RDH8: variants seen among roughly 807,000 people sequenced by gnomAD.
RDH8 encodes retinol dehydrogenase 8, also known as photoreceptor outer segment all-trans retinol dehydrogenase.
In RDH8, 14 loss-of-function variants were observed where a neutral mutation model predicts 22.3. That is an observed-to-expected ratio of 0.63 (90% CI 0.42 to 0.98). The LOEUF (loss-of-function observed/expected upper bound fraction) is 0.98, where lower values mean the gene tolerates loss of function less well. RDH8 is among the 50% of genes least tolerant of loss of function. RDH8 has a pLI of 0.00. For synonymous variants in RDH8, 175 were observed against 171.7 expected (o/e 1.02, Z -0.15); for missense variants, 389 against 409.8 (o/e 0.95, Z 0.44).
chr19:10,019,036 C>A, intron 3 of RDH8, 126 bp downstream of exon 3: 1 of 772,734 alleles, frequency 1.3e-6, no homozygotes, highest in African/African-American at 1.8e-5. Context: ...GTGATTCATG[C>A]CTGTAATCTT....
At chr19:10,015,057 G>C (rs376628555) in intron 1 of RDH8, among the ~76,000 whole-genome samples, 1 of 152,220 alleles carries the variant, frequency 6.6e-6, no homozygotes, top group Non-Finnish European at 1.5e-5. Context: ...ATGCCCCCAG[G>C]AGTGTTCATG....
At chr19:10,016,612 C>T (rs928727085) in intron 1 of RDH8, among the ~76,000 whole-genome samples, 1 of 152,056 alleles carries the variant, frequency 6.6e-6, no homozygotes, top group Non-Finnish European at 1.5e-5. Context: ...AGGTGGGGGC[C>T]ACCCACCACA....
Position 10,021,872 on chromosome 19 carries a change from G to A in RDH8, c.*123G>A. 2.0e-6 allele frequency: 2 copies of A among 1,017,830 alleles called. No homozygotes were observed. The highest frequency in any genetic ancestry group is 2.4e-5 in the Admixed American group (1 of 42,330). 63.0% of individuals were successfully genotyped at this position (1,017,830 alleles called of 1,614,324 possible). On this transcript the variant is annotated 3_prime_UTR_variant, in exon 6 of 6. Coordinates refer to ENST00000591589, the MANE Select transcript of RDH8 (RefSeq NM_015725.4). Reference sequence around the variant, plus strand: ...GCAAACTCCCCCTCCCCTCCTCTGTGCCTAGACATGGCTAGAATCCCAGAA... The same window carrying A: ...GCAAACTCCCCCTCCCCTCCTCTGTACCTAGACATGGCTAGAATCCCAGAA...
Position 10,021,880 on chromosome 19 carries a change from A to T in RDH8, c.*131A>T. The T allele has an allele frequency of 5.2e-6, 5 of 954,226 alleles. No homozygotes were observed. The highest frequency in any genetic ancestry group is 7.7e-6 in the Non-Finnish European group (5 of 649,024). 59.1% of individuals were successfully genotyped at this position (954,226 alleles called of 1,614,324 possible). A position where few individuals can be genotyped will look rare whatever the true frequency, so the allele number is the denominator to read the frequency against. The stretch of plus-strand genomic sequence containing the variant: ...CCCCTCCCCTCCTCTGTGCCTAGAC[A>T]TGGCTAGAATCCCAGAAGGGCCTTT... On this transcript the variant is annotated 3_prime_UTR_variant, in exon 6 of 6. Transcript: ENST00000591589.
chr19:10,021,376 T>C lies in RDH8; in HGVS notation c.658T>C (p.Tyr220His). Residue 220 changes from tyrosine to histidine, a missense_variant, in exon 5 of 6, where the codon TAT becomes CAT. Coordinates refer to ENST00000591589, the MANE Select transcript of RDH8 (RefSeq NM_015725.4). ...GACCCTGCACTACTTCCGGGACCTC[T>C]ATCTCCCAGCCTCCAGGAAGCTGTT... ...PETLHYFRDL[Y>H]LPASRKLFCS... 1.2e-6 allele frequency: 2 copies of C among 1,614,054 alleles called. No homozygotes were observed. The highest frequency in any genetic ancestry group is 1.7e-6 in the Non-Finnish European group (2 of 1,180,020).
Position 10,017,398 on chromosome 19 carries a change from G to T in RDH8, c.262+183G>T, listed in dbSNP as rs115745982. ...GGTCCTACCAATTGATTTATTAAGGGCTGGGTGCAGTGGCTCATACCTGTA... is the reference window on the plus strand; with the variant it reads ...GGTCCTACCAATTGATTTATTAAGGTCTGGGTGCAGTGGCTCATACCTGTA... On this transcript the variant is annotated intron_variant, in intron 2 of 5. Transcript: ENST00000591589. 9.5e-3 allele frequency among the ~76,000 whole-genome samples: 1,451 copies of T among 152,298 alleles called. 19 individuals are homozygous for T. The highest frequency in any genetic ancestry group is 0.033 in the African/African-American group (1,381 of 41,546).
Position 10,017,079 on chromosome 19 carries a change from G to T in RDH8, c.126G>T (p.Leu42=). 1 of 1,591,264 alleles carries T rather than the reference G, an allele frequency of 6.3e-7. No homozygotes were observed. The highest frequency in any genetic ancestry group is 8.6e-7 in the Non-Finnish European group (1 of 1,165,860). ...CAGTCGTGGCCACCATGAGGGACCT[G>T]GGGAAGAAGGAGACACTGGAGGCAG... ...RYQVVATMRD[L]GKKETLEAAA... is the part of the protein sequence containing the mutation. Residue 42 remains leucine, a synonymous_variant, in exon 2 of 6, where the codon CTG becomes CTT. Coordinates refer to ENST00000591589, the MANE Select transcript of RDH8 (RefSeq NM_015725.4).
chr19:10,016,124 C>T (rs1448437452), intron 1 of RDH8, among the ~76,000 whole-genome samples: 6 of 142,352 alleles, frequency 4.2e-5, no homozygotes, highest in Non-Finnish European at 9.1e-5. Flanking sequence ...GAAACTTTAT[C>T]TTATTTATTT....
intron 1 of RDH8, among the ~76,000 whole-genome samples, chr19:10,014,322 A>G (rs2087592226): frequency 6.6e-6 from 1 of 152,174 alleles, no homozygotes; most frequent in Non-Finnish European, 1.5e-5. Context: ...AGAGACGCAC[A>G]CAGCTTTGAG....
intron 3 of RDH8, 77 bp from the exon 4 acceptor site, chr19:10,020,630 CAA>C: frequency 1.2e-6 from 1 of 856,710 alleles, no homozygotes; most frequent in Non-Finnish European, 1.9e-6. Context: ...CTCTGTCTCC[CAA>C]AGACCCCATC....
Position 10,021,223 on chromosome 19 carries a change from T to C in RDH8, c.537-32T>C, listed in dbSNP as rs372956789. On this transcript the variant is annotated intron_variant, in intron 4 of 5. Transcript: ENST00000591589. ...AATAGGTCAGGGAGTGGTTGGGGCA[T>C]CAGACTTACACTACCCATGCCTGGT... 1.1e-4 allele frequency: 179 copies of C among 1,600,096 alleles called. 1 individual carries two copies. Among genetic ancestry groups the C allele is most frequent in the South Asian group, 6.7e-4 (60 of 89,204 alleles).
chr19:10,019,114 T>A (rs936337857), intron 3 of RDH8, among the ~76,000 whole-genome samples: 1 of 148,302 alleles, frequency 6.7e-6, no homozygotes, highest in Non-Finnish European at 1.5e-5. Flanking sequence ...CTGGGCAACA[T>A]GGTGAAAGCC....
rs371269849 is a variant in RDH8, at chr19:10,016,493, C to T, written c.104-564C>T. 2.7e-4 allele frequency among the ~76,000 whole-genome samples: 40 copies of T among 148,816 alleles called. No individual in the cohort carries two copies. The East Asian group carries it at 5.5e-3, about 20-fold the overall frequency. ...TTTTATTTTTTGAGACAGGGTCTCA[C>T]TCTCTCACCCAGACGGTAGTGCAGT... On this transcript the variant is annotated intron_variant, in intron 1 of 5. Transcript: ENST00000591589.
intron 2 of RDH8, among the ~76,000 whole-genome samples, chr19:10,017,953 A>G (rs935960780): frequency 2.0e-5 from 3 of 150,974 alleles, no homozygotes; most frequent in Non-Finnish European, 4.4e-5. Context: ...GCCAAAAATC[A>G]ATTTTTTTTG....
At chr19:10,017,519 C>T (rs2087628268) in intron 2 of RDH8, among the ~76,000 whole-genome samples, 1 of 152,164 alleles carries the variant, frequency 6.6e-6, no homozygotes, top group African/African-American at 2.4e-5. Flanking sequence ...ATTAGCCAGT[C>T]ATAGTGGTGC....
rs1322371406 is a variant in RDH8, at chr19:10,013,600, G to A, written c.103G>A (p.Val35Ile). The change falls in exon 1 of 6, where the codon GTC (valine) becomes ATC (isoleucine). Residue 35 changes from valine to isoleucine, a missense_variant and splice_region_variant. By Grantham distance (29) the Val-to-Ile change is conservative. Transcript: ENST00000591589. ...CCATGACCCCAAGAAGCGCTACCAG[G>A]GTAAGAAGTGCAGGGTGGCACTAGG... is the stretch of plus-strand genomic sequence containing the variant. ...LAHDPKKRYQVVATMRDLGKK... is the reference protein window; with the variant it reads ...LAHDPKKRYQIVATMRDLGKK... 1.2e-6 allele frequency: 2 copies of A among 1,613,816 alleles called. No individual in the cohort carries two copies. The highest frequency in any genetic ancestry group is 1.3e-5 in the African/African-American group (1 of 74,890).
intron 1 of RDH8, among the ~76,000 whole-genome samples, chr19:10,016,739 T>C (rs964625447): frequency 6.6e-6 from 1 of 152,164 alleles, no homozygotes; most frequent in Non-Finnish European, 1.5e-5. Flanking sequence ...CCCAACGTGC[T>C]GGGATTACAG....
intron 2 of RDH8, 98 bp from the exon 3 acceptor site, chr19:10,018,633 G>A (rs896424009): frequency 6.8e-5 from 65 of 949,170 alleles, no homozygotes; most frequent in Non-Finnish European, 9.8e-5. Flanking sequence ...GACTGGCCTT[G>A]GACTTGGAGT....
In RDH8 at chr19:10,021,581, G is replaced by C. The variant is rs2087660310; in HGVS notation, c.768G>C (p.Gln256His). 1 of 1,614,146 alleles carries C rather than the reference G, an allele frequency of 6.2e-7. No individual in the cohort carries two copies. The highest frequency in any genetic ancestry group is 8.5e-7 in the Non-Finnish European group (1 of 1,180,010). ...ISSTRPPLRR[Q>H]TNIRYSPLTT... ...CGACTCGACCACCCCTGCGCCGACA[G>C]ACCAACATCCGCTACTCGCCGCTGA... Residue 256 changes from glutamine to histidine, a missense_variant, in exon 6 of 6, where the codon CAG becomes CAC. By Grantham distance (24) the Gln-to-His change is conservative. Transcript: ENST00000591589.
Sources: allele counts gnomAD v4.1 joint callset (sites outside exome capture counted in the v4.1 genomes callset), GRCh38; gene constraint gnomAD v4.1.1; transcripts MANE v1.5; gene names NCBI Gene and HGNC (gene_info 2026-07-23, HGNC 2026-07-21).